Variants in ACOT1 observed in about 807,000 individuals in gnomAD.
ACOT1 encodes acyl-CoA thioesterase 1, also known as acyl-coenzyme A thioesterase 1.
A neutral mutation model predicts 15.7 loss-of-function variants in ACOT1; 8 were observed. The observed-to-expected ratio is 0.51, with a 90% CI of 0.30 to 0.92. The LOEUF (loss-of-function observed/expected upper bound fraction) is 0.92, where lower values mean the gene tolerates loss of function less well. ACOT1 is among the 40% of genes least tolerant of loss of function. ACOT1 has a pLI of 0.06. For synonymous variants in ACOT1, 67 were observed against 241.2 expected, an observed-to-expected ratio of 0.28 and a Z score of 6.69; for missense variants, 151 against 539.4, an observed-to-expected ratio of 0.28 and a Z score of 7.13.
the ACOT1 span, among the ~76,000 whole-genome samples, chr14:73,514,955 C>G: frequency 6.6e-6 from 1 of 151,772 alleles, no homozygotes; most frequent in Admixed American, 6.6e-5. Flanking sequence ...GTAGTCTCAG[C>G]TACTTGAGAG....
chr14:73,517,733 G>GA, the ACOT1 span, among the ~76,000 whole-genome samples: 30 of 150,298 alleles, frequency 2.0e-4, no homozygotes, highest in Non-Finnish European at 7.4e-5. Context: ...AGAGAGGAAA[G>GA]GGAGACATGA....
the ACOT1 span, chr14:73,508,446 C>T: frequency 4.4e-6 from 3 of 685,238 alleles, no homozygotes; most frequent in Non-Finnish European, 7.3e-6. Flanking sequence ...TTATTTAAAC[C>T]ATATTGAGAA....
chr14:73,521,096 T>C, the ACOT1 span: 1 of 1,465,384 alleles, frequency 6.8e-7, no homozygotes, highest in African/African-American at 1.4e-5. Flanking sequence ...TGGATCCCCC[T>C]TTCCATTAAA....
At chr14:73,509,679 C>G in the ACOT1 span, among the ~76,000 whole-genome samples, 1 of 150,858 alleles carries the variant, frequency 6.6e-6, no homozygotes, top group African/African-American at 2.4e-5. Context: ...GCTGGTATGC[C>G]AATTCCCAAT....
chr14:73,503,558 C>T, the ACOT1 span, among the ~76,000 whole-genome samples: 2 of 152,196 alleles, frequency 1.3e-5, no homozygotes, highest in Non-Finnish European at 2.9e-5. Context: ...CTTCTCTACT[C>T]CTACCTGGTA....
the ACOT1 span, among the ~76,000 whole-genome samples, chr14:73,518,630 G>A: frequency 6.6e-6 from 1 of 152,154 alleles, no homozygotes. Context: ...TGGGTGGGCT[G>A]AGTGTGGAGT....
the ACOT1 span, among the ~76,000 whole-genome samples, chr14:73,500,995 C>T: frequency 4.6e-5 from 7 of 152,352 alleles, no homozygotes; most frequent in East Asian, 9.6e-4. Context: ...TCAACTTGCA[C>T]CTCTTTTCAC....
chr14:73,504,076 C>CTTTTTT, the ACOT1 span, among the ~76,000 whole-genome samples: 6 of 127,760 alleles, frequency 4.7e-5, no homozygotes, highest in Non-Finnish European at 6.6e-5. Flanking sequence ...TTTTGCATTT[C>CTTTTTT]TTTTTTTTTT....
chr14:73,509,266 T>C, the ACOT1 span: 1 of 1,561,560 alleles, frequency 6.4e-7, no homozygotes, highest in Non-Finnish European at 8.8e-7. Flanking sequence ...GATAGTGAGA[T>C]GTCTATCCCA....
At chr14:73,522,539 G>A in the ACOT1 span, 7 of 1,614,188 alleles carry the variant, frequency 4.3e-6, no homozygotes, top group South Asian at 7.7e-5. Flanking sequence ...TTCCAGCACA[G>A]TGGCCTCCCA....
At chr14:73,519,152 T>C in the ACOT1 span, 9 of 1,612,850 alleles carry the variant, frequency 5.6e-6, no homozygotes, top group Non-Finnish European at 7.6e-6. Context: ...TGGTGGATGA[T>C]CTGGACTTCA....
the ACOT1 span, chr14:73,523,030 G>A: frequency 2.5e-6 from 4 of 1,614,092 alleles, no homozygotes; most frequent in Admixed American, 3.3e-5. Flanking sequence ...TGGAGACAGA[G>A]GCACACTCCT....
At chr14:73,520,708 G>A in the ACOT1 span, 1 of 710,348 alleles carries the variant, frequency 1.4e-6, no homozygotes, top group Non-Finnish European at 2.4e-6. Context: ...CTGTGCTAGT[G>A]TGGGTGCTGG....
rs750451986 is a variant in ACOT1, at chr14:73,537,862, G to T, written c.441G>T (p.Thr147=). 14 of 1,200,136 alleles carry T rather than the reference G, an allele frequency of 1.2e-5. 5 individuals are homozygous for T. The highest frequency in any genetic ancestry group is 8.7e-5 in the Admixed American group (3 of 34,396). The allele number at this position is 1,200,136 out of a possible 1,614,324, so 74.3% of individuals were successfully genotyped here. ...TGCGCGCGGGCCGGGTGCGAGGCAC[G>T]CTCTTCCTGCCGCCAGGTGACTCAC... The part of the protein sequence containing the change: ...EPVRAGRVRG[T]LFLPPEPGPF... The change falls in exon 1 of 3, where the codon ACG becomes ACT. Residue 147 remains threonine, a synonymous_variant. Transcript: ENST00000311148.
chr14:73,499,239 G>A, the ACOT1 span: 4 of 1,018,362 alleles, frequency 3.9e-6, no homozygotes, highest in Non-Finnish European at 6.2e-6. Context: ...CCAGCATTTT[G>A]GGATGCCAAG....
the ACOT1 span, chr14:73,509,188 A>G: frequency 2.0e-6 from 2 of 983,648 alleles, no homozygotes; most frequent in Middle Eastern, 2.5e-4. Context: ...ATGGTCTAAC[A>G]TAAATCTAAA....
chr14:73,494,063 A>G, the ACOT1 span, among the ~76,000 whole-genome samples: 4 of 152,206 alleles, frequency 2.6e-5, no homozygotes, highest in South Asian at 2.1e-4. Context: ...TTGTGCCTTC[A>G]TAGACCTTAG....
the ACOT1 span, among the ~76,000 whole-genome samples, chr14:73,506,854 G>A: frequency 7.7e-6 from 1 of 130,164 alleles, no homozygotes; most frequent in South Asian, 2.4e-4. Flanking sequence ...AGGCTGGAGT[G>A]CAGTGGCACA....
At chr14:73,520,810 A>G in the ACOT1 span, 2 of 1,559,258 alleles carry the variant, frequency 1.3e-6, no homozygotes, top group African/African-American at 1.4e-5. Flanking sequence ...TTCCTGGCCC[A>G]TGTCCCCGTG....
Sources: gnomAD v4.1 joint callset for allele counts (sites outside exome capture counted in the v4.1 genomes callset) on GRCh38, gnomAD v4.1.1 for gene constraint, MANE v1.5 for transcripts, NCBI Gene and HGNC (gene_info 2026-07-23, HGNC 2026-07-21) for gene names.